SPATA2: variants seen among roughly 807,000 people sequenced by gnomAD.
SPATA2 encodes the protein spermatogenesis associated 2, also known as spermatogenesis-associated protein 2.
A neutral mutation model predicts 35.4 loss-of-function variants in SPATA2; 8 were observed. That is an observed-to-expected ratio of 0.23 (90% confidence interval 0.13 to 0.41). SPATA2 has a LOEUF of 0.41. Ranked by LOEUF, SPATA2 falls within the 10% of genes least tolerant of loss-of-function variation. The pLI is 1.00. For synonymous variants in SPATA2, 293 were observed against 300.9 expected (o/e 0.97, Z 0.27); for missense variants, 650 against 698.7 (o/e 0.93, Z 0.79).
chr20:49,909,190 T>C (rs2090168251), intron 1 of SPATA2, among the ~76,000 whole-genome samples: 1 of 152,064 alleles, frequency 6.6e-6, no homozygotes, highest in Non-Finnish European at 1.5e-5. Flanking sequence ...GCCTGGTTAA[T>C]TTTTGTATTT....
At chr20:49,912,738 T>C (rs2090188193) in intron 1 of SPATA2, among the ~76,000 whole-genome samples, 1 of 152,090 alleles carries the variant, frequency 6.6e-6, no homozygotes, top group South Asian at 2.1e-4. Context: ...CCCTTGTTTG[T>C]TGCTGAAAAA....
intron 2 of SPATA2, among the ~76,000 whole-genome samples, chr20:49,907,429 A>G (rs2090154165): frequency 6.6e-6 from 1 of 152,186 alleles, no homozygotes; most frequent in Non-Finnish European, 1.5e-5. Context: ...TCTACTCCAT[A>G]TGAAGAGAGA....
chr20:49,910,298 T>C (rs2090175772), intron 1 of SPATA2, among the ~76,000 whole-genome samples: 1 of 152,112 alleles, frequency 6.6e-6, no homozygotes, highest in African/African-American at 2.4e-5. Context: ...GGGTTAATAA[T>C]AGCGCCTCTG....
chr20:49,908,860 T>C (rs745896245), intron 1 of SPATA2, among the ~76,000 whole-genome samples: 4 of 152,090 alleles, frequency 2.6e-5, no homozygotes, highest in Non-Finnish European at 5.9e-5. Flanking sequence ...CCTGGTTTCG[T>C]TGGGGAAGGG....
Position 49,908,203 on chromosome 20 carries a change from GCCCA to G in SPATA2, c.284_287del (p.Val95AlafsTer40). On this transcript the variant is annotated frameshift_variant, in exon 2 of 3. Coordinates refer to ENST00000289431, the MANE Select transcript of SPATA2 (RefSeq NM_006038.4). LOFTEE classifies it high-confidence loss of function. ...TCCACGGGTAGAGGAAGAGGTTGAT[GCCCA>G]CCGTCTCCAGCATGCTGAAGGCGCC... The G allele has an allele frequency of 6.2e-7, 1 of 1,613,452 alleles. No individual in the cohort carries two copies. The highest frequency in any genetic ancestry group is 8.5e-7 in the Non-Finnish European group (1 of 1,179,794).
At position 49,905,664 on chromosome 20, in the gene SPATA2, C is replaced by T; in HGVS notation, c.1518G>A (p.Gln506=). ...SELHKFMPNN[Q]LNYKSTQLSH... ...AGAGCTGGGTGGACTTGTAGTTCAG[C>T]TGGTTGTTGGGCATGAACTTGTGCA... is the stretch of plus-strand genomic sequence containing the variant. Residue 506 remains glutamine (Q), a synonymous_variant, in exon 3 of 3, where the codon CAG becomes CAA. Coordinates refer to ENST00000289431, the MANE Select transcript of SPATA2 (RefSeq NM_006038.4). 6.2e-7 allele frequency: 1 copy of T among 1,614,212 alleles called. No homozygotes were observed. Among genetic ancestry groups the T allele is most frequent in the South Asian group, 1.1e-5 (1 of 91,084 alleles).
At chr20:49,912,461 T>C (rs1383254443) in intron 1 of SPATA2, among the ~76,000 whole-genome samples, 1 of 152,178 alleles carries the variant, frequency 6.6e-6, no homozygotes, top group Non-Finnish European at 1.5e-5. Flanking sequence ...TAAATAAATG[T>C]ATTGCACCAC....
chr20:49,908,594 T>TGG lies in SPATA2; in HGVS notation c.-102-4_-102-3dup. The TGG allele has an allele frequency of 2.9e-5, 27 of 939,914 alleles. No homozygotes were observed. The South Asian group carries it at 4.6e-4, about 16-fold the overall frequency. The allele number at this position is 939,914 out of a possible 1,614,324, so 58.2% of individuals were successfully genotyped here. A position where few individuals can be genotyped will look rare whatever the true frequency, so the allele number is the denominator to read the frequency against. ...TGCCGCCTGGACCAGCGGAGTGCTC[T>TGG]GGAAGGAGGGGAACAAGAAGCATGT... On this transcript the variant is annotated splice_polypyrimidine_tract_variant and splice_region_variant and intron_variant, in intron 1 of 2. Transcript: ENST00000289431.
In SPATA2 at chr20:49,906,203, T is replaced by C. The variant is rs772584181; in HGVS notation, c.979A>G (p.Thr327Ala). The C allele has an allele frequency of 3.2e-6, 5 of 1,578,246 alleles. No homozygotes were observed. In the East Asian group the frequency reaches 9.0e-5, roughly 28 times the overall value. Residue 327 changes from threonine to alanine, a missense_variant, in exon 3 of 3, where the codon ACC (threonine) becomes GCC (alanine). Coordinates refer to ENST00000289431, the MANE Select transcript of SPATA2 (RefSeq NM_006038.4). The surrounding 1 kb of genome is among the most constrained non-coding windows in gnomAD (Gnocchi z 8.2). ...PSNGPALLRG[T>A]YFSTQDDVDL... ...ACGTCATCCTGAGTGGAGAAGTAGG[T>C]ACCGCGCAGCAGGGCCGGGCCGTTG...
In SPATA2 at chr20:49,906,976, C is replaced by T. The variant is rs1274914521; in HGVS notation, c.337-131G>A. The T allele has an allele frequency of 7.1e-6, 7 of 988,322 alleles. No individual in the cohort carries two copies. The highest frequency in any genetic ancestry group is 5.2e-5 in the East Asian group (2 of 38,346). 61.2% of individuals were successfully genotyped at this position (988,322 alleles called of 1,614,324 possible). On this transcript the variant is annotated intron_variant, in intron 2 of 2. Transcript: ENST00000289431. The surrounding 1 kb of genome is among the most constrained non-coding windows in gnomAD (Gnocchi z 8.2). ...GAGAGGGCAGGGCAGGGAAGGATCTCGACAGCCTCACCCTGCGGGAGGCAG... is the reference window on the plus strand; with the variant it reads ...GAGAGGGCAGGGCAGGGAAGGATCTTGACAGCCTCACCCTGCGGGAGGCAG...
chr20:49,913,708 T>C (rs1230542864), intron 1 of SPATA2: 1 of 152,158 alleles, frequency 6.6e-6, no homozygotes, highest in Non-Finnish European at 1.5e-5. Context: ...CGAATGGGGC[T>C]AGGAGAGCTA....
intron 1 of SPATA2, among the ~76,000 whole-genome samples, chr20:49,911,926 C>A (rs575589624): frequency 6.6e-6 from 1 of 152,220 alleles, no homozygotes; most frequent in African/African-American, 2.4e-5. Context: ...CACCACCCCA[C>A]GATTCCCATG....
intron 1 of SPATA2, chr20:49,913,471 C>T (rs1026818185): frequency 6.6e-6 from 1 of 152,190 alleles, no homozygotes; most frequent in Non-Finnish European, 1.5e-5. Context: ...AACTGAGGCT[C>T]GGAGAGGCCA....
At chr20:49,910,084 C>A (rs1373132321) in intron 1 of SPATA2, among the ~76,000 whole-genome samples, 2 of 152,166 alleles carry the variant, frequency 1.3e-5, no homozygotes, top group Non-Finnish European at 2.9e-5. Flanking sequence ...AGGCACAGAT[C>A]CAGCAATATT....
chr20:49,906,459 G>C lies in SPATA2; in HGVS notation c.723C>G (p.Asp241Glu). Residue 241 changes from aspartate (D) to glutamate (E), a missense_variant, in exon 3 of 3, where the codon GAC becomes GAG. Transcript: ENST00000289431. The surrounding 1 kb of genome is among the most constrained non-coding windows in gnomAD (Gnocchi z 8.2). ...GCTTGGTCACGCGGGGCTTGTAGTAGTCCTTGGCCGCCCGCTCGCTGGCCG... is the reference window on the plus strand; with the variant it reads ...GCTTGGTCACGCGGGGCTTGTAGTACTCCTTGGCCGCCCGCTCGCTGGCCG... ...QKSASERAAK[D>E]YYKPRVTKPS... The C allele has an allele frequency of 6.2e-7, 1 of 1,611,424 alleles. No individual in the cohort carries two copies. Among genetic ancestry groups the C allele is most frequent in the East Asian group, 2.2e-5 (1 of 44,882 alleles).
At chr20:49,911,956 G>A (rs930957912) in intron 1 of SPATA2, among the ~76,000 whole-genome samples, 2 of 152,056 alleles carry the variant, frequency 1.3e-5, no homozygotes, top group Non-Finnish European at 1.5e-5. Flanking sequence ...CATTTCTGCA[G>A]CCCCCACCCT....
rs770724159 is a variant in SPATA2, at chr20:49,905,842, T to C, written c.1340A>G (p.His447Arg). 6.2e-7 allele frequency: 1 copy of C among 1,613,426 alleles called. No homozygotes were observed. Residue 447 changes from histidine to arginine, a missense_variant, in exon 3 of 3, where the codon CAC becomes CGC. Physicochemically the swap from His to Arg is conservative, Grantham distance 29. Transcript: ENST00000289431. ...TQGLDRLPHL[H>R]SKSKPSTTPT... is the part of the protein sequence containing the mutation. ...CGTGGTGGAGGGCTTGGATTTGGAG[T>C]GAAGGTGCGGGAGGCGGTCGAGGCC...
chr20:49,906,281 T>C lies in SPATA2; in HGVS notation c.901A>G (p.Met301Val). 6.4e-7 allele frequency: 1 copy of C among 1,574,506 alleles called. No homozygotes were observed. The highest frequency in any genetic ancestry group is 8.6e-7 in the Non-Finnish European group (1 of 1,158,872). ...GGGCTGCCGTGGGGGGAGCTGGCCA[T>C]GGTCAGCAGCGAAGGGGATGGGCGG... ...IIRPSPSLLTMASSPHGSPDV... is the reference protein window; with the variant it reads ...IIRPSPSLLTVASSPHGSPDV... The change falls in exon 3 of 3, where the codon ATG (methionine) becomes GTG (valine). Residue 301 changes from methionine to valine, a missense_variant. By Grantham distance (21) the Met-to-Val change is conservative. Coordinates refer to ENST00000289431, the MANE Select transcript of SPATA2 (RefSeq NM_006038.4). The surrounding 1 kb of genome is among the most constrained non-coding windows in gnomAD (Gnocchi z 8.2).
In SPATA2 at chr20:49,908,306, C is replaced by G. The variant is rs146170659; in HGVS notation, c.185G>C (p.Arg62Pro). Residue 62 changes from arginine to proline, a missense_variant, in exon 2 of 3, where the codon CGG becomes CCG. Coordinates refer to ENST00000289431, the MANE Select transcript of SPATA2 (RefSeq NM_006038.4). The part of the protein sequence containing the change: ...LHKVDPFYRF[R>P]LIQFYEVVES... The stretch of plus-strand genomic sequence containing the variant: ...CACCACCTCATAGAACTGGATCAGC[C>G]GGAATCGATAAAAGGGATCCACCTT... 6.2e-7 allele frequency: 1 copy of G among 1,614,076 alleles called. No individual in the cohort carries two copies. Among genetic ancestry groups the G allele is most frequent in the African/African-American group, 1.3e-5 (1 of 74,934 alleles).
Sources: gnomAD v4.1 joint callset for allele counts (sites outside exome capture counted in the v4.1 genomes callset) on GRCh38, gnomAD v4.1.1 for gene constraint, Gnocchi (gnomAD v3.1) non-coding constraint, MANE v1.5 for transcripts, NCBI Gene and HGNC (gene_info 2026-07-23, HGNC 2026-07-21) for gene names.